Variants in CADM2 observed in about 807,000 individuals in gnomAD.
CADM2 encodes the protein cell adhesion molecule 2.
In CADM2, 12 loss-of-function variants were observed where a neutral mutation model predicts 49.8. The ratio of observed to expected loss-of-function variants is 0.24; its 90% CI spans 0.15 to 0.39. CADM2 has a LOEUF of 0.39. CADM2 is among the 10% of genes least tolerant of loss of function. CADM2 has a pLI of 1.00. For missense variants in CADM2, 378 were observed against 492.3 expected (o/e 0.77, Z 2.20); for synonymous variants, 214 against 175.4 (o/e 1.22, Z -1.74).
chr3:85,082,203 G>GA (rs1374737566), intron 1 of CADM2, among the ~76,000 whole-genome samples: 2 of 152,082 alleles, frequency 1.3e-5, no homozygotes, highest in East Asian at 3.9e-4. Context: ...ATACTGTCTT[G>GA]AAAATCCAAG....
intron 1 of CADM2, among the ~76,000 whole-genome samples, chr3:85,093,067 A>C (rs370692646): frequency 6.6e-6 from 1 of 152,132 alleles, no homozygotes; most frequent in African/African-American, 2.4e-5. Flanking sequence ...TCAGTTTAAA[A>C]TTTGCTGCAT....
intron 1 of CADM2, among the ~76,000 whole-genome samples, chr3:85,312,959 G>A (rs1288267838): frequency 1.3e-5 from 2 of 152,142 alleles, no homozygotes; most frequent in East Asian, 1.9e-4. Context: ...CTTCAACTGT[G>A]CATTTCCCCT....
intron 1 of CADM2, among the ~76,000 whole-genome samples, chr3:85,494,674 T>C (rs544300860): frequency 2.6e-5 from 4 of 152,302 alleles, no homozygotes; most frequent in African/African-American, 9.6e-5. Context: ...ATCATTTCCA[T>C]TGAGGACTAT....
intron 6 of CADM2, among the ~76,000 whole-genome samples, chr3:85,920,373 A>G (rs1718943685): frequency 6.6e-6 from 1 of 151,846 alleles, no homozygotes; most frequent in Admixed American, 6.6e-5. Flanking sequence ...CTTTTGACAA[A>G]CAAAATGCCA....
At chr3:85,357,093 A>G (rs566475902) in intron 1 of CADM2, among the ~76,000 whole-genome samples, 3 of 152,064 alleles carry the variant, frequency 2.0e-5, no homozygotes, top group Non-Finnish European at 4.4e-5. Flanking sequence ...TTGTTTTATA[A>G]AAACTAGTCT....
chr3:85,173,390 T>C (rs1336132941), intron 1 of CADM2, among the ~76,000 whole-genome samples: 1 of 152,138 alleles, frequency 6.6e-6, no homozygotes, highest in African/African-American at 2.4e-5. Flanking sequence ...CATGTAACAA[T>C]AGGGGATATT....
At chr3:85,486,070 T>C (rs1212735413) in intron 1 of CADM2, among the ~76,000 whole-genome samples, 2 of 152,118 alleles carry the variant, frequency 1.3e-5, no homozygotes, top group Non-Finnish European at 2.9e-5. Context: ...AGGAAACTTA[T>C]TCTCATTTCA....
intron 2 of CADM2, among the ~76,000 whole-genome samples, chr3:85,739,180 AC>A (rs1280549238): frequency 7.9e-5 from 12 of 152,062 alleles, no homozygotes; most frequent in Non-Finnish European, 1.8e-4. Flanking sequence ...CTATTATTAA[AC>A]TTTCACTTAT....
intron 8 of CADM2, among the ~76,000 whole-genome samples, chr3:86,029,655 A>G (rs922981098): frequency 1.3e-5 from 2 of 151,964 alleles, no homozygotes; most frequent in African/African-American, 4.8e-5. Flanking sequence ...TAAGTGACTT[A>G]CTCACCATCC....
intron 8 of CADM2, among the ~76,000 whole-genome samples, chr3:86,058,909 C>G (rs1738299561): frequency 6.6e-6 from 1 of 151,826 alleles, no homozygotes; most frequent in Admixed American, 6.6e-5. Context: ...GCCTGGTCAA[C>G]CTGGTGAAAC....
At chr3:84,996,734 A>G in intron 1 of CADM2, among the ~76,000 whole-genome samples, 1 of 152,014 alleles carries the variant, frequency 6.6e-6, no homozygotes, top group African/African-American at 2.4e-5. Context: ...GTCTAATATC[A>G]TTTTCTTCTA....
At chr3:85,510,110 C>T (rs1205729001) in intron 1 of CADM2, among the ~76,000 whole-genome samples, 1 of 151,816 alleles carries the variant, frequency 6.6e-6, no homozygotes, top group African/African-American at 2.4e-5. Context: ...AAAATCACTC[C>T]ATGAAGGAAG....
chr3:85,035,690 A>G (rs917163532), intron 1 of CADM2, among the ~76,000 whole-genome samples: 2 of 152,044 alleles, frequency 1.3e-5, no homozygotes, highest in African/African-American at 4.8e-5. Flanking sequence ...TTCTTTCCCT[A>G]AGGTATGTTT....
intron 1 of CADM2, among the ~76,000 whole-genome samples, chr3:85,679,729 C>G (rs2065987561): frequency 6.6e-6 from 1 of 152,096 alleles, no homozygotes; most frequent in Non-Finnish European, 1.5e-5. Flanking sequence ...TGCAGGCTGC[C>G]CGGGGCTGCA....
intron 1 of CADM2, among the ~76,000 whole-genome samples, chr3:84,977,374 A>G (rs12495099): frequency 0.071 from 10,724 of 152,080 alleles, 517 homozygotes; most frequent in African/African-American, 0.13. Flanking sequence ...GCCTAACACA[A>G]TTAGGAGGTA....
rs114394225 is a variant in CADM2, at chr3:85,547,301, G to A, written c.62-179221G>A. On this transcript the variant is annotated intron_variant, in intron 1 of 9. Coordinates refer to ENST00000383699, the MANE Select transcript of CADM2 (RefSeq NM_001167675.2). The stretch of plus-strand genomic sequence containing the variant: ...GGCATGGCGATTTCATAAAATTCAA[G>A]CTGCTATTTATGATTGTTTGAATTA... Among the ~76,000 whole-genome samples, 1,155 of 152,216 alleles carry A rather than the reference G, an allele frequency of 7.6e-3. 12 individuals carry two copies. Among genetic ancestry groups the A allele is most frequent in the African/African-American group, 0.025 (1,037 of 41,524 alleles).
chr3:85,458,484 T>G (rs1289753808), intron 1 of CADM2, among the ~76,000 whole-genome samples: 4 of 152,230 alleles, frequency 2.6e-5, no homozygotes, highest in African/African-American at 9.6e-5. Context: ...TGGTTATCTA[T>G]ATACTACCTG....
At chr3:85,488,581 G>T (rs1219546372) in intron 1 of CADM2, among the ~76,000 whole-genome samples, 1 of 151,960 alleles carries the variant, frequency 6.6e-6, no homozygotes, top group East Asian at 1.9e-4. Context: ...CACCAGGCTG[G>T]AGTGCAATGG....
intron 1 of CADM2, among the ~76,000 whole-genome samples, chr3:85,100,328 G>C (rs1025973133): frequency 6.6e-6 from 1 of 152,178 alleles, no homozygotes; most frequent in Non-Finnish European, 1.5e-5. Context: ...ACACAGGGCA[G>C]AACATGCTTT....
Sources: allele counts gnomAD v4.1 joint callset (sites outside exome capture counted in the v4.1 genomes callset), GRCh38; gene constraint gnomAD v4.1.1; transcripts MANE v1.5; gene names NCBI Gene and HGNC (gene_info 2026-07-23, HGNC 2026-07-21).